CCHCR1: variants seen among roughly 807,000 people sequenced by gnomAD.
The protein encoded by CCHCR1 is HCR (a-helix coiled-coil rod homologue).
CCHCR1 carries 91 observed loss-of-function variants against 114.6 expected under a neutral mutation model. The ratio of observed to expected loss-of-function variants is 0.79; its 90% confidence interval spans 0.67 to 0.94. The LOEUF is 0.94. Ranked by LOEUF, CCHCR1 falls within the 40% of genes least tolerant of loss-of-function variation. The pLI is 0.00. For missense variants in CCHCR1, 899 were observed against 1,079.9 expected, an observed-to-expected ratio of 0.83 and a Z score of 2.35; for synonymous variants, 379 against 428.5, an observed-to-expected ratio of 0.88 and a Z score of 1.43.
At position 31,154,748 on chromosome 6, in the gene CCHCR1, G is replaced by C; in HGVS notation, c.549C>G (p.Ile183Met). 5.0e-6 allele frequency: 8 copies of C among 1,606,850 alleles called. No individual in the cohort carries two copies. The highest frequency in any genetic ancestry group is 1.3e-5 in the African/African-American group (1 of 75,030). ...SQALSQQAEV[I>M]VRQLQELRRL... The stretch of plus-strand genomic sequence containing the variant: ...GCCGCAGCTCTTGCAGCTGCCGAAC[G>C]ATCACCTCAGCCTGCTGGCTCAGGG... Residue 183 changes from isoleucine (I) to methionine (M), a missense_variant, in exon 4 of 18, where the codon ATC becomes ATG. Transcript: ENST00000396268. The surrounding 1 kb of genome is among the most constrained non-coding windows in gnomAD (Gnocchi z 4.1).
chr6:31,148,254 A>G, intron 10 of CCHCR1, 151 bp downstream of exon 10: 1 of 625,518 alleles, frequency 1.6e-6, no homozygotes, highest in Non-Finnish European at 2.9e-6. Flanking sequence ...AGAAACGAAC[A>G]CAGGAACATT....
rs372717447 is a variant in CCHCR1, at chr6:31,154,694, C to T, written c.603G>A (p.Arg201=). 3.1e-6 allele frequency: 5 copies of T among 1,610,086 alleles called. No individual in the cohort carries two copies. The Admixed American group carries it at 5.0e-5, about 16-fold the overall frequency. Residue 201 remains arginine, a synonymous_variant, in exon 4 of 18, where the codon CGG becomes CGA. Transcript: ENST00000396268. The surrounding 1 kb of genome is among the most constrained non-coding windows in gnomAD (Gnocchi z 4.1). ...TCATCTTCTGCTGCAGCGAGGTCTCCCGCAGGAGCCGGACCTCCTCCTCCA... is the reference window on the plus strand; with the variant it reads ...TCATCTTCTGCTGCAGCGAGGTCTCTCGCAGGAGCCGGACCTCCTCCTCCA... ...RRLEEEVRLL[R]ETSLQQKMRL... is the part of the protein sequence containing the mutation.
chr6:31,144,525 C>A lies in CCHCR1; in HGVS notation c.2167+162G>T, dbSNP rs1449309314. On this transcript the variant is annotated intron_variant, in intron 15 of 17. Coordinates refer to ENST00000396268, the MANE Select transcript of CCHCR1 (RefSeq NM_001105564.2). The surrounding 1 kb of genome is among the most constrained non-coding windows in gnomAD (Gnocchi z 4.6). ...CTGTTTCTTAATCTGGTGCTGGCTACATGGGTGTGTTCACGATGTGATAAT... is the reference window on the plus strand; with the variant it reads ...CTGTTTCTTAATCTGGTGCTGGCTAAATGGGTGTGTTCACGATGTGATAAT... 1.3e-5 allele frequency: 8 copies of A among 630,972 alleles called. No homozygotes were observed. Among genetic ancestry groups the A allele is most frequent in the Non-Finnish European group, 2.0e-5 (7 of 356,588 alleles). The allele number at this position is 630,972 out of a possible 1,614,324, so 39.1% of individuals were successfully genotyped here. A position where few individuals can be genotyped will look rare whatever the true frequency, so the allele number is the denominator to read the frequency against.
chr6:31,152,092 C>T (rs1265108), intron 4 of CCHCR1, among the ~76,000 whole-genome samples: 61,317 of 151,738 alleles, frequency 0.4, 12,774 homozygotes, highest in East Asian at 0.56. Context: ...GTCAGGAGAT[C>T]GAGATCATCC....
At position 31,154,404 on chromosome 6, in the gene CCHCR1, G is replaced by C; in HGVS notation, c.801+92C>G. ...CATCACTCTACTACTCACTACTCATGGAGGGTCTTTTCTGCAATACCTGTT... is the reference window on the plus strand; with the variant it reads ...CATCACTCTACTACTCACTACTCATCGAGGGTCTTTTCTGCAATACCTGTT... On this transcript the variant is annotated intron_variant, in intron 4 of 17. Transcript: ENST00000396268. This position sits in a 1 kb window ranked among gnomAD's most constrained non-coding sequence, Gnocchi z 4.1. 3.2e-6 allele frequency: 3 copies of C among 946,904 alleles called. No individual in the cohort carries two copies. The allele number at this position is 946,904 out of a possible 1,614,324, so 58.7% of individuals were successfully genotyped here.
In CCHCR1 at chr6:31,152,735, C is replaced by CAA. The variant is rs201641467; in HGVS notation, c.802-1615_802-1614dup. ...AAATGATCCTTCCACCTTGGCCTCCCAAAGTGCTAGGATTACAGGTATGAG... is the reference window on the plus strand; with the variant it reads ...AAATGATCCTTCCACCTTGGCCTCCCAAAAAGTGCTAGGATTACAGGTATGAG... On this transcript the variant is annotated intron_variant, in intron 4 of 17. Coordinates refer to ENST00000396268, the MANE Select transcript of CCHCR1 (RefSeq NM_001105564.2). Among the ~76,000 whole-genome samples, 1,020 of 152,156 alleles carry CAA rather than the reference C, an allele frequency of 6.7e-3. 7 individuals are homozygous for CAA. The highest frequency in any genetic ancestry group is 0.012 in the African/African-American group (517 of 41,522).
Position 31,154,622 on chromosome 6 carries a change from C to A in CCHCR1, c.675G>T (p.Glu225Asp). ...CCTCAGCCTCAGCTCGGCCGGCCTT[C>A]TCCGCCCGTGCCAGAGCCTCTAGCT... Reference protein sequence around the residue: ...AMELEALARAEKAGRAEAEGL... With the variant: ...AMELEALARADKAGRAEAEGL... Residue 225 changes from glutamate to aspartate, a missense_variant, in exon 4 of 18, where the codon GAG (glutamate) becomes GAT (aspartate). Physicochemically the swap from Glu to Asp is conservative, Grantham distance 45. Transcript: ENST00000396268. This position sits in a 1 kb window ranked among gnomAD's most constrained non-coding sequence, Gnocchi z 4.1. 1 of 1,612,946 alleles carries A rather than the reference C, an allele frequency of 6.2e-7. No homozygotes were observed. The highest frequency in any genetic ancestry group is 8.5e-7 in the Non-Finnish European group (1 of 1,180,044).
In CCHCR1 at chr6:31,143,933, C is replaced by G. The variant is rs9501058; in HGVS notation, c.2168-520G>C. On this transcript the variant is annotated intron_variant, in intron 15 of 17. Transcript: ENST00000396268. This position sits in a 1 kb window ranked among gnomAD's most constrained non-coding sequence, Gnocchi z 5.3. ...AACTAGCTGGGCATGGTGGTGGGCGCCTGTAATCCCAGCTACTTGGGAGGC... is the reference window on the plus strand; with the variant it reads ...AACTAGCTGGGCATGGTGGTGGGCGGCTGTAATCCCAGCTACTTGGGAGGC... Among the ~76,000 whole-genome samples, 9,692 of 152,096 alleles carry G rather than the reference C, an allele frequency of 0.064. 508 individuals carry two copies. The highest frequency in any genetic ancestry group is 0.17 in the East Asian group (862 of 5,144).
Position 31,144,675 on chromosome 6 carries a change from G to A in CCHCR1, c.2167+12C>T. ...CTTCCTGGAAGGCCCTATCCACCCT[G>A]GCAAGGCTCACCGGCCTTGGCATGC... On this transcript the variant is annotated intron_variant, in intron 15 of 17. Coordinates refer to ENST00000396268, the MANE Select transcript of CCHCR1 (RefSeq NM_001105564.2). This position sits in a 1 kb window ranked among gnomAD's most constrained non-coding sequence, Gnocchi z 4.6. 1.3e-6 allele frequency: 2 copies of A among 1,578,862 alleles called. No homozygotes were observed. The highest frequency in any genetic ancestry group is 1.7e-6 in the Non-Finnish European group (2 of 1,151,138).
In CCHCR1 at chr6:31,145,811, G is replaced by A; in HGVS notation, c.1581-3C>T. 6.3e-7 allele frequency: 1 copy of A among 1,595,928 alleles called. No homozygotes were observed. The highest frequency in any genetic ancestry group is 1.1e-5 in the South Asian group (1 of 90,788). ...TGGTCTCGAGCCAGATCTGAGAGCT[G>A]GAGAGGGCACAAGTCACTGATCCTC... On this transcript the variant is annotated splice_region_variant and splice_polypyrimidine_tract_variant and intron_variant, in intron 10 of 17. Transcript: ENST00000396268.
intron 8 of CCHCR1, 115 bp downstream of exon 8, chr6:31,149,951 G>T: frequency 8.8e-7 from 1 of 1,140,036 alleles, no homozygotes; most frequent in Non-Finnish European, 1.3e-6. Context: ...TTTGTTCAGG[G>T]CTGTGTGCCC....
rs1188271815 is a variant in CCHCR1, at chr6:31,145,512, G to A, written c.1694-19C>T. On this transcript the variant is annotated intron_variant, in intron 11 of 17. Coordinates refer to ENST00000396268, the MANE Select transcript of CCHCR1 (RefSeq NM_001105564.2). ...ATCAGGCCTGGAGGGGAAAAAGCAG[G>A]GAGAAAAAGAGATGAAGTTTGCATG... 2 of 1,613,466 alleles carry A rather than the reference G, an allele frequency of 1.2e-6. No individual in the cohort carries two copies. The highest frequency in any genetic ancestry group is 1.7e-6 in the Non-Finnish European group (2 of 1,179,574).
At position 31,143,463 on chromosome 6, in the gene CCHCR1, G is replaced by A; in HGVS notation, c.2168-50C>T. Reference sequence around the variant, plus strand: ...GAGGCAGGTGTGAGTCAGGCCAGAGGCAGCCAGGCACCATGAAGACAGGAA... The same window carrying A: ...GAGGCAGGTGTGAGTCAGGCCAGAGACAGCCAGGCACCATGAAGACAGGAA... On this transcript the variant is annotated intron_variant, in intron 15 of 17. Coordinates refer to ENST00000396268, the MANE Select transcript of CCHCR1 (RefSeq NM_001105564.2). The surrounding 1 kb of genome is among the most constrained non-coding windows in gnomAD (Gnocchi z 5.3). 1 of 1,595,146 alleles carries A rather than the reference G, an allele frequency of 6.3e-7. No individual in the cohort carries two copies. The highest frequency in any genetic ancestry group is 8.5e-7 in the Non-Finnish European group (1 of 1,170,652).
In CCHCR1 at chr6:31,144,027, C is replaced by T. The variant is rs927072684; in HGVS notation, c.2168-614G>A. ...TGAGCCAAGATCATGCCACTGCACTCCAGCTGGTGACAGAGGAAGACTCTG... is the reference window on the plus strand; with the variant it reads ...TGAGCCAAGATCATGCCACTGCACTTCAGCTGGTGACAGAGGAAGACTCTG... On this transcript the variant is annotated intron_variant, in intron 15 of 17. Transcript: ENST00000396268. This position sits in a 1 kb window ranked among gnomAD's most constrained non-coding sequence, Gnocchi z 4.6. 3.3e-5 allele frequency among the ~76,000 whole-genome samples: 5 copies of T among 151,802 alleles called. No individual in the cohort carries two copies. Among genetic ancestry groups the T allele is most frequent in the African/African-American group, 9.7e-5 (4 of 41,226 alleles).
rs765725229 is a variant in CCHCR1 at position 31,148,511 on chromosome 6, C to G, written c.1474G>C (p.Gly492Arg). 5 of 1,610,700 alleles carry G rather than the reference C, an allele frequency of 3.1e-6. No homozygotes were observed. The highest frequency in any genetic ancestry group is 3.3e-5 in the Admixed American group (2 of 59,970). The change falls in exon 10 of 18, where the codon GGC (glycine) becomes CGC (arginine). Residue 492 changes from glycine to arginine, a missense_variant and splice_region_variant. By Grantham distance (125) the Gly-to-Arg change is moderately radical. Transcript: ENST00000396268. ...EVEVERMGAK[G>R]LQLELSRAQE... ...GCACGGCTCAGCTCCAACTGCAGGC[C>G]CTGGGGAGGATGCAGCAAAGGACAG... is the stretch of plus-strand genomic sequence containing the variant.
In CCHCR1 at chr6:31,148,620, T is replaced by C; in HGVS notation, c.1471A>G (p.Lys491Glu). The stretch of plus-strand genomic sequence containing the variant: ...GTCTCTAGTAGGCTGACACCAACCT[T>C]GGCACCCATACGCTCCACCTCCACC... ...AEVEVERMGA[K>E]GLQLELSRAQ... The change falls in exon 9 of 18, where the codon AAG becomes GAG. Residue 491 changes from lysine to glutamate, a missense_variant and splice_region_variant. Coordinates refer to ENST00000396268, the MANE Select transcript of CCHCR1 (RefSeq NM_001105564.2). The C allele has an allele frequency of 1.2e-6, 2 of 1,610,888 alleles. No homozygotes were observed. Among genetic ancestry groups the C allele is most frequent in the Non-Finnish European group, 1.7e-6 (2 of 1,178,058 alleles).
At chr6:31,149,671 GA>G (rs1278174093) in intron 8 of CCHCR1, 2 of 159,348 alleles carry the variant, frequency 1.3e-5, no homozygotes, top group African/African-American at 4.8e-5. Context: ...TCGAACTCCT[GA>G]CCTCCAGTGA....
In CCHCR1 at chr6:31,144,801, T is replaced by C. The variant is rs1197262212; in HGVS notation, c.2066-13A>G. 1.1e-5 allele frequency: 17 copies of C among 1,612,936 alleles called. No homozygotes were observed. The highest frequency in any genetic ancestry group is 1.7e-5 in the Admixed American group (1 of 60,000). On this transcript the variant is annotated splice_polypyrimidine_tract_variant and intron_variant, in intron 14 of 17. Coordinates refer to ENST00000396268, the MANE Select transcript of CCHCR1 (RefSeq NM_001105564.2). This position sits in a 1 kb window ranked among gnomAD's most constrained non-coding sequence, Gnocchi z 4.6. ...TTTTCTTGCAGGGCTGGGGTGAAAG[T>C]GCAGACGGGGCATATCAGCAGGAGC...
Position 31,150,483 on chromosome 6 carries a change from G to T in CCHCR1, c.1184C>A (p.Ala395Asp). The T allele has an allele frequency of 6.2e-7, 1 of 1,612,526 alleles. No homozygotes were observed. The highest frequency in any genetic ancestry group is 8.5e-7 in the Non-Finnish European group (1 of 1,179,848). Residue 395 changes from alanine (A) to aspartate (D), a missense_variant, in exon 7 of 18, where the codon GCC (alanine) becomes GAC (aspartate). By Grantham distance (126) the Ala-to-Asp change is moderately radical (BLOSUM62 -2). Transcript: ENST00000396268. The surrounding 1 kb of genome is among the most constrained non-coding windows in gnomAD (Gnocchi z 5.3). The stretch of plus-strand genomic sequence containing the variant: ...CCTGGTCAGCTCCTCCTCCTGCAGG[G>T]CGAGGATGTGTGTGAGGCTCTGCAC... The part of the protein sequence containing the change: ...VRVQSLTHIL[A>D]LQEEELTRKV...
Sources: allele counts gnomAD v4.1 joint callset (sites outside exome capture counted in the v4.1 genomes callset), GRCh38; gene constraint gnomAD v4.1.1; non-coding constraint Gnocchi (gnomAD v3.1); transcripts MANE v1.5; gene names NCBI Gene and HGNC (gene_info 2026-07-23, HGNC 2026-07-21).